C10orf90: variants seen among roughly 807,000 people sequenced by gnomAD.
C10orf90 encodes the protein (E2-independent) E3 ubiquitin-conjugating enzyme FATS.
A neutral mutation model predicts 62.5 loss-of-function variants in C10orf90; 56 were observed. That is an observed-to-expected ratio of 0.90 (90% CI 0.72 to 1.12). The LOEUF is 1.12. Among genes scored for constraint, C10orf90 ranks in the 50% most tolerant of loss-of-function variants. The pLI is 0.00. For missense variants in C10orf90, 970 were observed against 880.4 expected, an observed-to-expected ratio of 1.10 and a Z score of -1.29; for synonymous variants, 386 against 340.4, an observed-to-expected ratio of 1.13 and a Z score of -1.47.
intron 1 of C10orf90, among the ~76,000 whole-genome samples, chr10:126,648,501 A>G (rs570893652): frequency 6.6e-6 from 1 of 152,228 alleles, no homozygotes; most frequent in Non-Finnish European, 1.5e-5. Flanking sequence ...CTATTTGACT[A>G]TATCTGGCAA....
chr10:126,547,577 A>C (rs928834491), intron 2 of C10orf90, among the ~76,000 whole-genome samples: 2 of 151,958 alleles, frequency 1.3e-5, no homozygotes, highest in Non-Finnish European at 2.9e-5. Context: ...AAATTAAAGC[A>C]GCTATGATAA....
chr10:126,565,333 AT>A lies in C10orf90; in HGVS notation c.314-51395del, dbSNP rs1414253476. ...TATATTATATATATTATATATTTAT[AT>A]TATATATAATATATAATATATAATA... On this transcript the variant is annotated intron_variant, in intron 2 of 9. Transcript: ENST00000488181. Among the ~76,000 whole-genome samples, 6 of 44,264 alleles carry A rather than the reference AT, an allele frequency of 1.4e-4. No homozygotes were observed. The South Asian group carries it at 2.5e-3, about 18-fold the overall frequency. The allele number at this position is 44,264 out of a possible 152,430, so 29.0% of individuals were successfully genotyped here. A position where few individuals can be genotyped will look rare whatever the true frequency, so the allele number is the denominator to read the frequency against.
At chr10:126,667,624 G>A (rs947403371) in intron 1 of C10orf90, among the ~76,000 whole-genome samples, 1 of 152,110 alleles carries the variant, frequency 6.6e-6, no homozygotes, top group East Asian at 1.9e-4. Context: ...TCACACCATA[G>A]GAGATATGAG....
At chr10:126,444,323 G>A (rs777040884) in intron 7 of C10orf90, among the ~76,000 whole-genome samples, 2 of 152,030 alleles carry the variant, frequency 1.3e-5, no homozygotes, top group East Asian at 1.9e-4. Context: ...ATTCATCAAA[G>A]TTTCCAGATA....
intron 1 of C10orf90, among the ~76,000 whole-genome samples, chr10:126,647,455 C>T (rs563042483): frequency 4.5e-4 from 69 of 152,338 alleles, no homozygotes; most frequent in East Asian, 1.9e-4. Flanking sequence ...TTCCCATTAT[C>T]GGCCCCTTCT....
chr10:126,565,116 TATATA>T (rs1435691294), intron 2 of C10orf90, among the ~76,000 whole-genome samples: 2 of 37,608 alleles, frequency 5.3e-5, no homozygotes, highest in Non-Finnish European at 8.5e-5. Flanking sequence ...AAATATATAT[TATATA>T]ATATATAATA....
chr10:126,443,001 C>T (rs1269922097), intron 7 of C10orf90, among the ~76,000 whole-genome samples: 1 of 151,984 alleles, frequency 6.6e-6, no homozygotes, highest in African/African-American at 2.4e-5. Flanking sequence ...CTCTGGGATA[C>T]AGCAAAGACA....
intron 2 of C10orf90, among the ~76,000 whole-genome samples, chr10:126,635,279 A>G (rs1481627556): frequency 6.6e-6 from 1 of 152,194 alleles, no homozygotes; most frequent in Non-Finnish European, 1.5e-5. Context: ...CGGTCCTATT[A>G]CAGATTATTG....
At chr10:126,619,378 C>G (rs528741674) in intron 2 of C10orf90, among the ~76,000 whole-genome samples, 39 of 152,284 alleles carry the variant, frequency 2.6e-4, no homozygotes, top group African/African-American at 9.1e-4. Flanking sequence ...ACAGTTTTCC[C>G]AAGTAGTTGC....
At chr10:126,579,790 C>G (rs1844708646) in intron 2 of C10orf90, among the ~76,000 whole-genome samples, 1 of 151,952 alleles carries the variant, frequency 6.6e-6, no homozygotes, top group African/African-American at 2.4e-5. Flanking sequence ...TCTTACTGAG[C>G]ACTAAATGCC....
intron 2 of C10orf90, among the ~76,000 whole-genome samples, chr10:126,529,449 A>G (rs1229160576): frequency 1.3e-5 from 2 of 152,184 alleles, no homozygotes; most frequent in Middle Eastern, 3.2e-3. Flanking sequence ...TTAGAAAAAG[A>G]TGTTTGTAAC....
At chr10:126,657,532 G>C (rs942804443) in intron 1 of C10orf90, among the ~76,000 whole-genome samples, 1 of 151,814 alleles carries the variant, frequency 6.6e-6, no homozygotes, top group Admixed American at 6.6e-5. Flanking sequence ...TTTGTATGAA[G>C]TCCAATTGAT....
In C10orf90 at chr10:126,456,417, T is replaced by C. The variant is rs1020551220; in HGVS notation, c.2188+2623A>G. On this transcript the variant is annotated intron_variant, in intron 7 of 9. Transcript: ENST00000488181. This position sits in a 1 kb window ranked among gnomAD's most constrained non-coding sequence, Gnocchi z 4.9. The stretch of plus-strand genomic sequence containing the variant: ...TGCTTGCCAGGACTGTCTTGGAATG[T>C]GGGGAGTAAAAGGTACTCAGTTAAC... 1.3e-5 allele frequency among the ~76,000 whole-genome samples: 2 copies of C among 152,178 alleles called. No homozygotes were observed. Among genetic ancestry groups the C allele is most frequent in the African/African-American group, 2.4e-5 (1 of 41,444 alleles).
At chr10:126,563,570 T>C (rs1381632967) in intron 2 of C10orf90, among the ~76,000 whole-genome samples, 1 of 152,112 alleles carries the variant, frequency 6.6e-6, no homozygotes. Context: ...TGTGTGAAAA[T>C]GTGTGGACCA....
At chr10:126,462,104 C>T (rs1186709416) in intron 5 of C10orf90, among the ~76,000 whole-genome samples, 1 of 152,082 alleles carries the variant, frequency 6.6e-6, no homozygotes, top group Non-Finnish European at 1.5e-5. Context: ...CTTCCTGGGG[C>T]CATTTTGACT....
chr10:126,536,008 G>C (rs778262515), intron 2 of C10orf90, among the ~76,000 whole-genome samples: 1 of 152,164 alleles, frequency 6.6e-6, no homozygotes, highest in Non-Finnish European at 1.5e-5. Flanking sequence ...TGGAACAAAG[G>C]CTCAGCCCTT....
At chr10:126,664,234 G>A (rs530126883) in intron 1 of C10orf90, among the ~76,000 whole-genome samples, 25 of 152,248 alleles carry the variant, frequency 1.6e-4, no homozygotes, top group African/African-American at 5.8e-4. Context: ...TGGGGAAGCA[G>A]GGAAAGGAAG....
chr10:126,640,458 T>C (rs1846038088), intron 2 of C10orf90, among the ~76,000 whole-genome samples: 1 of 152,246 alleles, frequency 6.6e-6, no homozygotes, highest in Admixed American at 6.5e-5. Context: ...TTCAGTCTAT[T>C]GAACCACTTC....
intron 4 of C10orf90, among the ~76,000 whole-genome samples, chr10:126,501,505 C>T (rs949373086): frequency 3.3e-5 from 5 of 152,264 alleles, no homozygotes; most frequent in South Asian, 2.1e-4. Flanking sequence ...CAGAATCCCA[C>T]GGAGCCTCTT....
Sources: gnomAD v4.1 joint callset for allele counts (sites outside exome capture counted in the v4.1 genomes callset) on GRCh38, gnomAD v4.1.1 for gene constraint, Gnocchi (gnomAD v3.1) non-coding constraint, MANE v1.5 for transcripts, NCBI Gene and HGNC (gene_info 2026-07-23, HGNC 2026-07-21) for gene names.